The following THRB variants were observed in gnomAD, a reference collection of about 807,000 sequenced individuals.
The protein encoded by THRB is thyroid hormone receptor beta.
Under a neutral mutation model 47.8 loss-of-function variants are expected in THRB, and 12 were observed. That is an observed-to-expected ratio of 0.25 (90% CI 0.16 to 0.41). The LOEUF is 0.41. Among genes scored for constraint, THRB ranks in the 10% least tolerant of loss-of-function variants. THRB has a pLI of 1.00. For synonymous variants in THRB, 218 were observed against 212.2 expected (o/e 1.03, Z -0.24); for missense variants, 348 against 589.2 (o/e 0.59, Z 4.24).
At chr3:24,170,713 G>T (rs1458458246) in intron 5 of THRB, among the ~76,000 whole-genome samples, 1 of 152,030 alleles carries the variant, frequency 6.6e-6, no homozygotes, top group Non-Finnish European at 1.5e-5. Context: ...CATTTGTTTG[G>T]ATGGAGCCTA....
intron 2 of THRB, among the ~76,000 whole-genome samples, chr3:24,312,437 C>T (rs1271868035): frequency 6.6e-6 from 1 of 152,056 alleles, no homozygotes; most frequent in Non-Finnish European, 1.5e-5. Context: ...GTATATTGTC[C>T]TGGAAAATAA....
intron 8 of THRB, among the ~76,000 whole-genome samples, chr3:24,142,608 A>G (rs2035589876): frequency 6.6e-6 from 1 of 152,214 alleles, no homozygotes; most frequent in Non-Finnish European, 1.5e-5. Flanking sequence ...GTTGTCAGGT[A>G]GGTACTTGAA....
At chr3:24,487,295 C>T (rs1236896153) in intron 1 of THRB, among the ~76,000 whole-genome samples, 2 of 152,010 alleles carry the variant, frequency 1.3e-5, no homozygotes, top group African/African-American at 4.8e-5. Flanking sequence ...AACTGTTCCT[C>T]ACAACCTATT....
intron 2 of THRB, among the ~76,000 whole-genome samples, chr3:24,309,809 T>C (rs2149188632): frequency 6.6e-6 from 1 of 152,256 alleles, no homozygotes; most frequent in East Asian, 1.9e-4. Context: ...GAAAATACAC[T>C]TGAAAAATAG....
At chr3:24,151,400 G>A (rs2036918563) in intron 6 of THRB, among the ~76,000 whole-genome samples, 1 of 152,058 alleles carries the variant, frequency 6.6e-6, no homozygotes, top group South Asian at 2.1e-4. Flanking sequence ...GAGAAAAAGA[G>A]GTAAGGTGGA....
intron 1 of THRB, among the ~76,000 whole-genome samples, chr3:24,413,011 AG>A (rs2068438325): frequency 6.6e-6 from 1 of 151,858 alleles, no homozygotes; most frequent in Non-Finnish European, 1.5e-5. Context: ...ACAAAGGAGC[AG>A]TTAAAGAGGC....
At chr3:24,475,354 TAAG>T (rs1024265084) in intron 1 of THRB, among the ~76,000 whole-genome samples, 1 of 152,162 alleles carries the variant, frequency 6.6e-6, no homozygotes, top group Admixed American at 6.5e-5. Flanking sequence ...TAAATAAATG[TAAG>T]AAGTTGTTAC....
intron 1 of THRB, among the ~76,000 whole-genome samples, chr3:24,412,527 T>C (rs2068392135): frequency 6.6e-6 from 1 of 151,786 alleles, no homozygotes; most frequent in African/African-American, 2.4e-5. Context: ...TACAGATGGA[T>C]TAAAGAGTTA....
chr3:24,172,507 CT>C (rs1474814232), intron 5 of THRB, among the ~76,000 whole-genome samples: 1 of 152,038 alleles, frequency 6.6e-6, no homozygotes, highest in Non-Finnish European at 1.5e-5. Flanking sequence ...TTCATAAAAG[CT>C]TTTGATAGTT....
intron 3 of THRB, among the ~76,000 whole-genome samples, chr3:24,295,250 A>C (rs950912268): frequency 6.6e-6 from 1 of 152,260 alleles, no homozygotes; most frequent in Admixed American, 6.5e-5. Flanking sequence ...CCAAGTAATT[A>C]ATATCTAAAG....
chr3:24,457,443 T>A (rs1056415634), intron 1 of THRB, among the ~76,000 whole-genome samples: 8 of 152,212 alleles, frequency 5.3e-5, no homozygotes, highest in Non-Finnish European at 1.2e-4. Flanking sequence ...TGTCTTCTAG[T>A]CTGACTCTGA....
At chr3:24,386,114 G>C (rs144640342) in intron 1 of THRB, among the ~76,000 whole-genome samples, 1 of 152,104 alleles carries the variant, frequency 6.6e-6, no homozygotes, top group African/African-American at 2.4e-5. Context: ...AGGTTCCAGA[G>C]TCTCTTCTAG....
intron 3 of THRB, among the ~76,000 whole-genome samples, chr3:24,243,713 G>C (rs1395671238): frequency 6.6e-6 from 1 of 151,944 alleles, no homozygotes; most frequent in Admixed American, 6.6e-5. Flanking sequence ...TCTGTGCTTT[G>C]CTGCTGCTGT....
intron 4 of THRB, among the ~76,000 whole-genome samples, chr3:24,193,090 C>T (rs997248861): frequency 3.3e-5 from 5 of 152,164 alleles, no homozygotes; most frequent in African/African-American, 9.7e-5. Context: ...ATTCTACCTA[C>T]TGGATATACT....
chr3:24,143,780 C>G, intron 7 of THRB, 74 bp from the exon 8 acceptor site: 4 of 1,512,370 alleles, frequency 2.6e-6, no homozygotes, highest in Non-Finnish European at 2.7e-6. Flanking sequence ...CTTCCTGGAG[C>G]CTCAGGAGTG....
chr3:24,261,268 C>T (rs748132788), intron 3 of THRB, among the ~76,000 whole-genome samples: 7 of 151,986 alleles, frequency 4.6e-5, no homozygotes, highest in African/African-American at 1.7e-4. Flanking sequence ...TTTGGGAGGC[C>T]GAGGCGGGCA....
chr3:24,178,179 G>C (rs1173349560), intron 5 of THRB, among the ~76,000 whole-genome samples: 2 of 152,170 alleles, frequency 1.3e-5, no homozygotes, highest in Admixed American at 6.5e-5. Flanking sequence ...CAGCTCACCA[G>C]TAAAGATCTA....
At chr3:24,392,220 A>T (rs562782178) in intron 1 of THRB, among the ~76,000 whole-genome samples, 1 of 152,220 alleles carries the variant, frequency 6.6e-6, no homozygotes, top group South Asian at 2.1e-4. Context: ...TTTTTCCCAG[A>T]TGAAAATTCT....
At chr3:24,189,651 A>G (rs2043080699) in intron 5 of THRB, among the ~76,000 whole-genome samples, 1 of 152,222 alleles carries the variant, frequency 6.6e-6, no homozygotes, top group African/African-American at 2.4e-5. Context: ...GTCTAGGTTA[A>G]AGGTAGGCAT....
Sources: allele counts gnomAD v4.1 joint callset (sites outside exome capture counted in the v4.1 genomes callset), GRCh38; gene constraint gnomAD v4.1.1; transcripts MANE v1.5; gene names NCBI Gene and HGNC (gene_info 2026-07-23, HGNC 2026-07-21).